LMF1: variants seen among roughly 807,000 people sequenced by gnomAD.
LMF1 encodes lipase maturation factor 1, also known as transmembrane protein 112.
Under a neutral mutation model 60.6 loss-of-function variants are expected in LMF1, and 68 were observed. The observed-to-expected ratio is 1.12, with a 90% CI of 0.92 to 1.37. LMF1 has a LOEUF of 1.37. Ranked by LOEUF, LMF1 falls within the 40% of genes most tolerant of loss-of-function variation. LMF1 has a pLI of 0.00. For missense variants in LMF1, 948 were observed against 767.2 expected, an observed-to-expected ratio of 1.24 and a Z score of -2.78; for synonymous variants, 418 against 324.7, an observed-to-expected ratio of 1.29 and a Z score of -3.09.
chr16:972,983 G>A, upstream of LMF1, among the ~76,000 whole-genome samples: 1 of 152,212 alleles, frequency 6.6e-6, no homozygotes, highest in Non-Finnish European at 1.5e-5. Flanking sequence ...CCGGGGAGAG[G>A]TGGACCAGCA....
chr16:981,343 A>AGTGTGTGTGTGT (rs1567354240), upstream of LMF1: 1 of 232,502 alleles, frequency 4.3e-6, no homozygotes, highest in African/African-American at 4.0e-5. Flanking sequence ...AGAGAGAGAG[A>AGTGTGTGTGTGT]GAGAGTGTGT....
intron 4 of LMF1, among the ~76,000 whole-genome samples, chr16:905,435 T>C (rs1380386160): frequency 6.6e-6 from 1 of 152,210 alleles, no homozygotes; most frequent in Non-Finnish European, 1.5e-5. Flanking sequence ...GAGGAGGAAG[T>C]ATCTCAGTTT....
At chr16:968,603 T>C (rs1453202929) in intron 1 of LMF1, 4 of 152,178 alleles carry the variant, frequency 2.6e-5, no homozygotes, top group African/African-American at 9.7e-5. Context: ...GAAAACCATG[T>C]CCCTGAAAGA....
chr16:978,222 CCA>C (rs1596190605), intron 1 of LMF1, among the ~76,000 whole-genome samples: 2 of 151,534 alleles, frequency 1.3e-5, no homozygotes, highest in South Asian at 2.1e-4. Context: ...CACATACACA[CCA>C]CACACCATAC....
intron 5 of LMF1, among the ~76,000 whole-genome samples, chr16:886,430 T>G (rs1356691736): frequency 6.6e-6 from 1 of 151,854 alleles, no homozygotes; most frequent in Non-Finnish European, 1.5e-5. Flanking sequence ...CCCAGTGGGC[T>G]GCTCTGCTGA....
chr16:949,425 C>G (rs547451834), intron 2 of LMF1, among the ~76,000 whole-genome samples: 1 of 145,230 alleles, frequency 6.9e-6, no homozygotes, highest in Non-Finnish European at 1.5e-5. Context: ...AGTCAGCCAA[C>G]GACAGAGTCA....
At chr16:919,330 A>T (rs1596993137) in intron 3 of LMF1, among the ~76,000 whole-genome samples, 1 of 151,504 alleles carries the variant, frequency 6.6e-6, no homozygotes, top group African/African-American at 2.4e-5. Flanking sequence ...GGCGGGAATC[A>T]CCCCACATGC....
chr16:871,670 A>G, intron 6 of LMF1: 1 of 276,200 alleles, frequency 3.6e-6, no homozygotes, highest in Non-Finnish European at 6.8e-6. Flanking sequence ...GGAACTCCTC[A>G]CTTTCAGAGG....
At chr16:886,935 A>C (rs2070325431) in intron 5 of LMF1, 1 of 149,026 alleles carries the variant, frequency 6.7e-6, no homozygotes, top group African/African-American at 2.4e-5. Flanking sequence ...GCACACAGAG[A>C]AAACATTCTC....
chr16:931,221 T>C (rs571458225), intron 3 of LMF1, among the ~76,000 whole-genome samples: 1 of 152,302 alleles, frequency 6.6e-6, no homozygotes, highest in South Asian at 2.1e-4. Context: ...ACTGGAGCTT[T>C]TTATTTCATT....
intron 1 of LMF1, among the ~76,000 whole-genome samples, chr16:963,494 C>T (rs943678947): frequency 2.6e-5 from 4 of 152,086 alleles, no homozygotes; most frequent in African/African-American, 7.2e-5. Context: ...TCTCTGTACA[C>T]GTGTGCACAT....
upstream of LMF1, chr16:971,086 C>A: frequency 8.4e-7 from 1 of 1,184,958 alleles, no homozygotes; most frequent in South Asian, 1.9e-5. Context: ...GCCGAAGGCC[C>A]CACCCACACC....
At chr16:889,433 T>C (rs1304450181) in intron 5 of LMF1, among the ~76,000 whole-genome samples, 1 of 151,936 alleles carries the variant, frequency 6.6e-6, no homozygotes, top group Non-Finnish European at 1.5e-5. Context: ...CAGTTCCTTC[T>C]GGGGAGAGAA....
intron 5 of LMF1, among the ~76,000 whole-genome samples, chr16:890,354 T>C (rs1453586152): frequency 6.6e-6 from 1 of 152,194 alleles, no homozygotes; most frequent in Non-Finnish European, 1.5e-5. Context: ...CTCATGCCTT[T>C]TCAAGTCACA....
At chr16:917,002 G>A (rs2071296960) in intron 3 of LMF1, among the ~76,000 whole-genome samples, 1 of 152,226 alleles carries the variant, frequency 6.6e-6, no homozygotes, top group Admixed American at 6.5e-5. Context: ...CGAGCTCTGA[G>A]AGCATGAGTA....
intron 2 of LMF1, among the ~76,000 whole-genome samples, chr16:953,253 C>G (rs1213887619): frequency 5.3e-5 from 4 of 75,328 alleles, no homozygotes; most frequent in African/African-American, 1.6e-4. Flanking sequence ...ACACAGACAC[C>G]CACCCCAAAC....
At position 954,393 on chromosome 16, in the gene LMF1, C is replaced by T; in HGVS notation, c.467G>A (p.Gly156Asp). Residue 156 changes from glycine (G) to aspartate (D), a missense_variant, in exon 2 of 11, where the codon GGC becomes GAC. By Grantham distance (94) the Gly-to-Asp change is moderately conservative (BLOSUM62 -1). Transcript: ENST00000262301. ...ANMLLMAALW[G>D]LYMSLVNVGH... ...CACATTAACCAGGGACATGTAGAGG[C>T]CCCACAGGGCAGCCATGAGAAGCAT... 2 of 1,612,902 alleles carry T rather than the reference C, an allele frequency of 1.2e-6. No homozygotes were observed. The highest frequency in any genetic ancestry group is 1.7e-6 in the Non-Finnish European group (2 of 1,179,750).
chr16:877,015 C>T (rs927614284), intron 6 of LMF1, among the ~76,000 whole-genome samples: 6 of 152,210 alleles, frequency 3.9e-5, no homozygotes, highest in South Asian at 2.1e-4. Context: ...CCTTGCTCCC[C>T]GCTGTCTCAG....
intron 10 of LMF1, among the ~76,000 whole-genome samples, chr16:865,147 TAC>T (rs1174395806): frequency 6.6e-6 from 1 of 152,224 alleles, no homozygotes; most frequent in Admixed American, 6.5e-5. Context: ...GCACGTAACT[TAC>T]AGTCTACTGA....
Sources: allele counts gnomAD v4.1 joint callset (sites outside exome capture counted in the v4.1 genomes callset), GRCh38; gene constraint gnomAD v4.1.1; transcripts MANE v1.5; gene names NCBI Gene and HGNC (gene_info 2026-07-23, HGNC 2026-07-21).